The following OR2L13 variants were observed in gnomAD, a reference collection of about 807,000 sequenced individuals.
The protein encoded by OR2L13 is olfactory receptor family 2 subfamily L member 13, also known as olfactory receptor 2L13.
In OR2L13, 14 loss-of-function variants were observed where a neutral mutation model predicts 15.3. The ratio of observed to expected loss-of-function variants is 0.91; its 90% CI spans 0.60 to 1.43. The LOEUF is 1.43. Among genes scored for constraint, OR2L13 ranks in the 40% most tolerant of loss-of-function variants. The pLI, the probability that OR2L13 is intolerant of heterozygous loss-of-function variation, is 0.00. For synonymous variants in OR2L13, 152 were observed against 142.9 expected (o/e 1.06, Z -0.45); for missense variants, 367 against 387.9 (o/e 0.95, Z 0.45).
At chr1:248,054,647 G>A in the OR2L13 span, among the ~76,000 whole-genome samples, 5 of 152,030 alleles carry the variant, frequency 3.3e-5, no homozygotes, top group Non-Finnish European at 7.4e-5. Context: ...TCTTTGAATA[G>A]GTCCTTCACT....
upstream of OR2L13, among the ~76,000 whole-genome samples, chr1:248,095,761 C>T (rs373952511): frequency 2.7e-5 from 4 of 150,914 alleles, no homozygotes; most frequent in African/African-American, 7.3e-5. Context: ...CGCATGCCAC[C>T]ACGCCTGGCT....
At chr1:247,991,316 T>TCTACTAAAAATAC in the OR2L13 span, 1 of 679,090 alleles carries the variant, frequency 1.5e-6, no homozygotes, top group South Asian at 2.2e-5. Context: ...GAAATTAATC[T>TCTACTAAAAATAC]AAAAGATTTG....
At chr1:247,962,047 C>T in the OR2L13 span, among the ~76,000 whole-genome samples, 3 of 152,184 alleles carry the variant, frequency 2.0e-5, no homozygotes, top group Non-Finnish European at 2.9e-5. Context: ...TCCTCCATCT[C>T]AGATTTCCAG....
At chr1:248,092,011 G>T (rs751826354), upstream of OR2L13, among the ~76,000 whole-genome samples, 7 of 151,860 alleles carry the variant, frequency 4.6e-5, no homozygotes, top group Non-Finnish European at 1.0e-4. Context: ...TTTCACCACC[G>T]TCATTAGCTG....
chr1:248,001,090 G>A, the OR2L13 span, among the ~76,000 whole-genome samples: 1 of 152,022 alleles, frequency 6.6e-6, no homozygotes, highest in Non-Finnish European at 1.5e-5. Flanking sequence ...TTTACTCATA[G>A]GTTTGTGTGT....
chr1:248,075,380 G>A, the OR2L13 span, among the ~76,000 whole-genome samples: 23 of 152,316 alleles, frequency 1.5e-4, no homozygotes, highest in African/African-American at 5.1e-4. Context: ...TAATGGGATT[G>A]CTGGGTCAAA....
At chr1:247,938,748 C>G in the OR2L13 span, among the ~76,000 whole-genome samples, 1 of 152,062 alleles carries the variant, frequency 6.6e-6, no homozygotes, top group Admixed American at 6.6e-5. Context: ...GTAAAGCATA[C>G]TTGGATGAAA....
the OR2L13 span, among the ~76,000 whole-genome samples, chr1:248,020,996 C>T: frequency 2.0e-5 from 3 of 151,804 alleles, no homozygotes; most frequent in Admixed American, 6.6e-5. Context: ...GCTGCTGCAG[C>T]TTTAGAAGTA....
chr1:248,026,360 G>A, the OR2L13 span, among the ~76,000 whole-genome samples: 1 of 152,130 alleles, frequency 6.6e-6, no homozygotes, highest in Non-Finnish European at 1.5e-5. Flanking sequence ...CTCTTAGAAG[G>A]TCATTCAAAG....
the OR2L13 span, among the ~76,000 whole-genome samples, chr1:247,968,408 A>G: frequency 6.6e-6 from 1 of 152,102 alleles, no homozygotes; most frequent in Non-Finnish European, 1.5e-5. Flanking sequence ...GGTTTGTTAC[A>G]TAGGTATACA....
the OR2L13 span, chr1:248,003,976 A>G: frequency 3.7e-6 from 6 of 1,613,784 alleles, no homozygotes; most frequent in Non-Finnish European, 5.1e-6. Context: ...CCCTCACCCC[A>G]ATGCTCAACC....
At chr1:248,091,756 G>T (rs1359028178), upstream of OR2L13, among the ~76,000 whole-genome samples, 4 of 151,762 alleles carry the variant, frequency 2.6e-5, no homozygotes, top group Non-Finnish European at 1.5e-5. Flanking sequence ...GATTGTCTTG[G>T]CTATTTGGGT....
At chr1:248,060,776 T>C in the OR2L13 span, 23 of 1,614,036 alleles carry the variant, frequency 1.4e-5, no homozygotes, top group Non-Finnish European at 1.9e-5. Context: ...CTCATTGTTT[T>C]CATTTTCCTA....
At chr1:247,957,779 G>A in the OR2L13 span, among the ~76,000 whole-genome samples, 18 of 152,160 alleles carry the variant, frequency 1.2e-4, no homozygotes, top group East Asian at 1.4e-3. Flanking sequence ...CTGTGGGATC[G>A]GTGGTGATAT....
At chr1:248,038,682 G>T in the OR2L13 span, 3 of 1,614,144 alleles carry the variant, frequency 1.9e-6, no homozygotes, top group South Asian at 2.2e-5. Context: ...AAGCAAAAGA[G>T]TGTGTGTGAT....
chr1:248,038,680 G>T, the OR2L13 span: 1 of 1,614,178 alleles, frequency 6.2e-7, no homozygotes, highest in Non-Finnish European at 8.5e-7. Context: ...ATAAGCAAAA[G>T]AGTGTGTGTG....
At chr1:247,987,307 C>T in the OR2L13 span, among the ~76,000 whole-genome samples, 6 of 152,270 alleles carry the variant, frequency 3.9e-5, no homozygotes, top group Admixed American at 3.9e-4. Flanking sequence ...ATAGTTATGT[C>T]ATATGCAAAT....
chr1:247,959,127 G>A, the OR2L13 span, among the ~76,000 whole-genome samples: 3,702 of 152,160 alleles, frequency 0.024, 57 homozygotes, highest in East Asian at 0.036. Flanking sequence ...AGCTCTTTTA[G>A]GTCAGGCCTG....
At chr1:248,017,251 G>A in the OR2L13 span, among the ~76,000 whole-genome samples, 1 of 152,152 alleles carries the variant, frequency 6.6e-6, no homozygotes, top group Non-Finnish European at 1.5e-5. Context: ...AGGGGCACAA[G>A]TAACCTGTTT....
Sources: allele counts gnomAD v4.1 joint callset (sites outside exome capture counted in the v4.1 genomes callset), GRCh38; gene constraint gnomAD v4.1.1; transcripts MANE v1.5; gene names NCBI Gene and HGNC (gene_info 2026-07-23, HGNC 2026-07-21).